The following NME7 variants were observed in gnomAD, a reference collection of about 807,000 sequenced individuals.
The protein encoded by NME7 is NME/NM23 family member 7, also known as nucleoside diphosphate kinase 7.
In NME7, 41 loss-of-function variants were observed where a neutral mutation model predicts 49.1. The ratio of observed to expected loss-of-function variants is 0.83; its 90% CI spans 0.65 to 1.08. The LOEUF is 1.08. Ranked by LOEUF, NME7 falls within the 50% of genes least tolerant of loss-of-function variation. The pLI is 0.00. For synonymous variants in NME7, 139 were observed against 150.6 expected, an observed-to-expected ratio of 0.92 and a Z score of 0.56; for missense variants, 423 against 463.4, an observed-to-expected ratio of 0.91 and a Z score of 0.80.
At chr1:169,136,930 A>G (rs1229209340) in intron 11 of NME7, among the ~76,000 whole-genome samples, 1 of 152,212 alleles carries the variant, frequency 6.6e-6, no homozygotes, top group Non-Finnish European at 1.5e-5. Context: ...AGAAATGCCT[A>G]TGGAGTTATA....
At chr1:169,242,841 G>C (rs1648149403) in intron 7 of NME7, among the ~76,000 whole-genome samples, 1 of 151,466 alleles carries the variant, frequency 6.6e-6, no homozygotes, top group African/African-American at 2.4e-5. Context: ...AAATAAAATT[G>C]GGTGTGAATC....
At chr1:169,283,017 C>T (rs928645963) in intron 7 of NME7, among the ~76,000 whole-genome samples, 2 of 151,970 alleles carry the variant, frequency 1.3e-5, no homozygotes, top group African/African-American at 2.4e-5. Context: ...TTTTCTATCT[C>T]GTTGATCTGT....
Position 169,342,913 on chromosome 1 carries a change from G to GTA in NME7, c.4-18415_4-18414dup, listed in dbSNP as rs1291455901. Among the ~76,000 whole-genome samples the GTA allele has an allele frequency of 2.3e-4, 14 of 59,828 alleles. 1 individual carries two copies. Among genetic ancestry groups the GTA allele is most frequent in the Admixed American group, 1.6e-3 (7 of 4,510 alleles). 39.2% of individuals were successfully genotyped at this position (59,828 alleles called of 152,430 possible). ...ATATATACAAGTACATATATATAGTGTATATATATATATACAAGTACATAT... is the reference window on the plus strand; with the variant it reads ...ATATATACAAGTACATATATATAGTGTATATATATATATATACAAGTACATAT... On this transcript the variant is annotated intron_variant, in intron 1 of 11. Coordinates refer to ENST00000367811, the MANE Select transcript of NME7 (RefSeq NM_013330.5).
At chr1:169,159,258 T>C (rs1383811375) in intron 11 of NME7, among the ~76,000 whole-genome samples, 1 of 152,046 alleles carries the variant, frequency 6.6e-6, no homozygotes, top group Non-Finnish European at 1.5e-5. Flanking sequence ...AACCATTCTG[T>C]GGCAACAAGG....
At chr1:169,189,025 C>T (rs1346335005) in intron 10 of NME7, among the ~76,000 whole-genome samples, 5 of 152,140 alleles carry the variant, frequency 3.3e-5, no homozygotes, top group Non-Finnish European at 5.9e-5. Flanking sequence ...AATGTGGCTA[C>T]CCATAACAAA....
At chr1:169,229,420 T>C (rs1647497795) in intron 10 of NME7, among the ~76,000 whole-genome samples, 1 of 152,240 alleles carries the variant, frequency 6.6e-6, no homozygotes, top group Non-Finnish European at 1.5e-5. Context: ...CTTTAAGTTT[T>C]CTTAACTACT....
At position 169,132,737 on chromosome 1, in the gene NME7, A is replaced by G. The variant is rs748411424; in HGVS notation, c.*48T>C. ...TGAACACATTCCTCGTGTGTGATTC[A>G]CTCTTGTCTAAATGTCCCAACCTGT... On this transcript the variant is annotated 3_prime_UTR_variant, in exon 12 of 12. Coordinates refer to ENST00000367811, the MANE Select transcript of NME7 (RefSeq NM_013330.5). 5.9e-5 allele frequency: 92 copies of G among 1,556,332 alleles called. No individual in the cohort carries two copies. Among genetic ancestry groups the G allele is most frequent in the Middle Eastern group, 3.4e-4 (2 of 5,962 alleles).
At chr1:169,249,018 A>C (rs552117059) in intron 7 of NME7, among the ~76,000 whole-genome samples, 1 of 152,230 alleles carries the variant, frequency 6.6e-6, no homozygotes, top group Non-Finnish European at 1.5e-5. Context: ...TAATTCTGTG[A>C]AAAATGATGT....
chr1:169,201,952 G>A (rs1023646628), intron 10 of NME7, among the ~76,000 whole-genome samples: 3 of 152,222 alleles, frequency 2.0e-5, no homozygotes, highest in Admixed American at 2.0e-4. Flanking sequence ...AACTTAAAAG[G>A]CAGGTAGGGA....
At chr1:169,320,272 G>A (rs746305532) in intron 3 of NME7, among the ~76,000 whole-genome samples, 23 of 152,140 alleles carry the variant, frequency 1.5e-4, no homozygotes, top group Non-Finnish European at 3.4e-4. Flanking sequence ...TCTTTATAAA[G>A]AGAGGATAAA....
At chr1:169,316,217 C>A (rs1431397234) in intron 3 of NME7, among the ~76,000 whole-genome samples, 2 of 146,054 alleles carry the variant, frequency 1.4e-5, no homozygotes, top group African/African-American at 5.2e-5. Flanking sequence ...GTCTAACATG[C>A]AGGCAAAAAA....
At chr1:169,280,241 G>A (rs1291219454) in intron 7 of NME7, among the ~76,000 whole-genome samples, 1 of 152,092 alleles carries the variant, frequency 6.6e-6, no homozygotes, top group East Asian at 1.9e-4. Flanking sequence ...TCATATGTCT[G>A]TTGGCTGCAC....
At chr1:169,148,644 T>C (rs17349271) in intron 11 of NME7, among the ~76,000 whole-genome samples, 38,020 of 152,124 alleles carry the variant, frequency 0.25, 5,570 homozygotes, top group Non-Finnish European at 0.34. Flanking sequence ...GACTGAAAAA[T>C]GAGGCAGGGA....
intron 1 of NME7, among the ~76,000 whole-genome samples, chr1:169,355,066 A>ATGT (rs1653359104): frequency 1.4e-5 from 1 of 70,334 alleles, no homozygotes; most frequent in Non-Finnish European, 2.5e-5. Flanking sequence ...TATACTATAT[A>ATGT]TTATAGATAT....
intron 1 of NME7, among the ~76,000 whole-genome samples, chr1:169,360,529 C>G (rs1653616497): frequency 6.6e-6 from 1 of 152,164 alleles, no homozygotes; most frequent in South Asian, 2.1e-4. Context: ...TTCCTGGCTC[C>G]TTCCTGCCTC....
intron 7 of NME7, among the ~76,000 whole-genome samples, chr1:169,257,016 T>C (rs1461236363): frequency 7.6e-6 from 1 of 131,420 alleles, no homozygotes; most frequent in Non-Finnish European, 1.8e-5. Flanking sequence ...GCTGTCTTTT[T>C]GTTTGTCTGT....
At chr1:169,212,821 G>T (rs1389171090) in intron 10 of NME7, among the ~76,000 whole-genome samples, 1 of 151,830 alleles carries the variant, frequency 6.6e-6, no homozygotes, top group Non-Finnish European at 1.5e-5. Flanking sequence ...TAGAGACAGG[G>T]TCTCACTATG....
intron 7 of NME7, among the ~76,000 whole-genome samples, chr1:169,282,426 G>A (rs1277717846): frequency 6.6e-6 from 1 of 151,950 alleles, no homozygotes; most frequent in Non-Finnish European, 1.5e-5. Context: ...TTTTTTGAAG[G>A]GTTTTTTGTG....
chr1:169,221,955 G>A (rs1661156010), intron 10 of NME7, among the ~76,000 whole-genome samples: 1 of 151,854 alleles, frequency 6.6e-6, no homozygotes, highest in Non-Finnish European at 1.5e-5. Context: ...ATAGAGACAG[G>A]GTCTTGCTAT....
Sources: gnomAD v4.1 joint callset for allele counts (sites outside exome capture counted in the v4.1 genomes callset) on GRCh38, gnomAD v4.1.1 for gene constraint, MANE v1.5 for transcripts, NCBI Gene and HGNC (gene_info 2026-07-23, HGNC 2026-07-21) for gene names.